The following PDE7B variants were observed in gnomAD, a reference collection of about 807,000 sequenced individuals.
PDE7B encodes the protein 3',5'-cyclic-AMP phosphodiesterase 7B.
In PDE7B, 29 loss-of-function variants were observed where a neutral mutation model predicts 56.2. The ratio of observed to expected loss-of-function variants is 0.52; its 90% CI spans 0.38 to 0.70. The LOEUF is 0.70. Among genes scored for constraint, PDE7B ranks in the 30% least tolerant of loss-of-function variants. PDE7B has a pLI of 0.00. For synonymous variants in PDE7B, 197 were observed against 196.9 expected (o/e 1.00, Z 0.00); for missense variants, 490 against 565.0 (o/e 0.87, Z 1.35).
chr6:136,074,414 ATTTC>A (rs1583866866), intron 2 of PDE7B, among the ~76,000 whole-genome samples: 1 of 152,122 alleles, frequency 6.6e-6, no homozygotes, highest in African/African-American at 2.4e-5. Flanking sequence ...TCAAGCATTT[ATTTC>A]TTTCTTTGTG....
chr6:135,882,239 A>AC (rs1466966902), intron 1 of PDE7B, among the ~76,000 whole-genome samples: 1 of 152,080 alleles, frequency 6.6e-6, no homozygotes, highest in Admixed American at 6.6e-5. Context: ...ATGTGGTGTG[A>AC]CCCCCGCTGA....
intron 11 of PDE7B, among the ~76,000 whole-genome samples, chr6:136,182,364 A>G (rs1373589439): frequency 6.6e-6 from 1 of 152,192 alleles, no homozygotes; most frequent in Non-Finnish European, 1.5e-5. Context: ...GCCCCTAAAT[A>G]AAATCTCCAA....
chr6:136,000,175 A>G (rs776373289), intron 2 of PDE7B, among the ~76,000 whole-genome samples: 4 of 152,164 alleles, frequency 2.6e-5, no homozygotes, highest in Non-Finnish European at 5.9e-5. Flanking sequence ...CATAGTTTGC[A>G]TAGTTTTCTC....
chr6:135,943,978 AG>A (rs1774550017), intron 1 of PDE7B, among the ~76,000 whole-genome samples: 1 of 152,182 alleles, frequency 6.6e-6, no homozygotes. Context: ...TATTATCTGA[AG>A]GCAGTGTTGG....
rs980603564 is a variant in PDE7B at position 135,884,118 on chromosome 6, T to C, written c.21+32099T>C. 5.3e-5 allele frequency among the ~76,000 whole-genome samples: 8 copies of C among 152,220 alleles called. No individual in the cohort carries two copies. In the East Asian group the frequency reaches 1.5e-3, roughly 29 times the overall value. ...TATAGCAGCTCATATCCCACACATC[T>C]GCAGAGTTTGCTTGCCAGTACTGTC... On this transcript the variant is annotated intron_variant, in intron 1 of 12. Transcript: ENST00000308191.
intron 2 of PDE7B, among the ~76,000 whole-genome samples, chr6:136,052,237 G>C (rs1776642689): frequency 6.6e-6 from 1 of 152,192 alleles, no homozygotes; most frequent in Non-Finnish European, 1.5e-5. Context: ...CAAAGCAGTT[G>C]AGCAAAACTG....
At chr6:136,001,908 C>T (rs934524315) in intron 2 of PDE7B, among the ~76,000 whole-genome samples, 15 of 151,810 alleles carry the variant, frequency 9.9e-5, no homozygotes, top group Non-Finnish European at 2.1e-4. Flanking sequence ...TCAGATTCAC[C>T]AAAGTTGAAA....
intron 8 of PDE7B, among the ~76,000 whole-genome samples, chr6:136,169,602 T>C (rs560018396): frequency 1.4e-3 from 219 of 152,302 alleles, no homozygotes; most frequent in African/African-American, 4.9e-3. Flanking sequence ...TACAGCTTTC[T>C]GGCCCTTGAA....
intron 10 of PDE7B, among the ~76,000 whole-genome samples, chr6:136,180,512 C>T (rs191687500): frequency 3.3e-5 from 5 of 152,284 alleles, no homozygotes; most frequent in Admixed American, 2.6e-4. Context: ...CTTCCAGACC[C>T]CAACATTGCT....
At position 135,852,023 on chromosome 6, in the gene PDE7B, T is replaced by C. The variant is rs1166572072; in HGVS notation, c.21+4T>C. ...AATGTCTTGTTTAATGGTTGAGGTA[T>C]GTACAACAAATTTAAGCGGCAAGCT... On this transcript the variant is annotated splice_donor_region_variant and intron_variant, in intron 1 of 12. Transcript: ENST00000308191. 1.9e-6 allele frequency: 3 copies of C among 1,604,288 alleles called. No homozygotes were observed. The highest frequency in any genetic ancestry group is 2.6e-6 in the Non-Finnish European group (3 of 1,171,118).
rs539038603 is a variant in PDE7B at position 136,171,641 on chromosome 6, T to A, written c.712-2156T>A. The stretch of plus-strand genomic sequence containing the variant: ...ACCTATTTCACTGCTTCACTTTTTT[T>A]TTATTATTATTATACTTTAAGTTTT... On this transcript the variant is annotated intron_variant, in intron 8 of 12. Transcript: ENST00000308191. Among the ~76,000 whole-genome samples, 22 of 152,126 alleles carry A rather than the reference T, an allele frequency of 1.4e-4. No individual in the cohort carries two copies. In the South Asian group the frequency reaches 2.5e-3, roughly 17 times the overall value.
At chr6:135,903,553 T>C (rs1776043352) in intron 1 of PDE7B, among the ~76,000 whole-genome samples, 1 of 152,188 alleles carries the variant, frequency 6.6e-6, no homozygotes, top group African/African-American at 2.4e-5. Context: ...TTTCTACATT[T>C]CAGAGCTTCT....
chr6:136,164,996 T>G (rs545638517), intron 8 of PDE7B, among the ~76,000 whole-genome samples: 4 of 152,322 alleles, frequency 2.6e-5, no homozygotes, highest in Non-Finnish European at 4.4e-5. Flanking sequence ...GGACATTACA[T>G]CTTTTGTAAC....
chr6:135,972,233 CAAAAAAAAAAA>C (rs72005772), intron 2 of PDE7B, among the ~76,000 whole-genome samples: 4 of 65,170 alleles, frequency 6.1e-5, no homozygotes, highest in Non-Finnish European at 8.0e-5. Context: ...AAACTGTTCT[CAAAAAAAAAAA>C]AAAAAAAAAA....
chr6:136,125,766 C>A lies in PDE7B; in HGVS notation c.166+16952C>A, dbSNP rs559057498. Among the ~76,000 whole-genome samples, 447 of 152,162 alleles carry A rather than the reference C, an allele frequency of 2.9e-3. 3 individuals carry two copies. Among genetic ancestry groups the A allele is most frequent in the African/African-American group, 0.01 (428 of 41,510 alleles). On this transcript the variant is annotated intron_variant, in intron 3 of 12. Transcript: ENST00000308191. The stretch of plus-strand genomic sequence containing the variant: ...GGAGCAGTGAGACTCAGAGCAAATA[C>A]TCCATTCTTCTTGTAAAGGTGTTCC...
At chr6:136,024,898 G>T (rs906757713) in intron 2 of PDE7B, among the ~76,000 whole-genome samples, 1 of 152,126 alleles carries the variant, frequency 6.6e-6, no homozygotes, top group African/African-American at 2.4e-5. Flanking sequence ...GCAACAACTG[G>T]GTAAATTTCT....
In PDE7B at chr6:136,192,003, G is replaced by C. The variant is rs770101993; in HGVS notation, c.*163G>C. 8.1e-6 allele frequency: 5 copies of C among 618,396 alleles called. No homozygotes were observed. In the African/African-American group the frequency reaches 9.2e-5, roughly 11 times the overall value. The allele number at this position is 618,396 out of a possible 1,614,324, so 38.3% of individuals were successfully genotyped here. ...CACTTACCTGCCTCCCCTCCTTTTC[G>C]CAAATGTACAGAAGCCATTTGTCAC... On this transcript the variant is annotated 3_prime_UTR_variant, in exon 13 of 13. Coordinates refer to ENST00000308191, the MANE Select transcript of PDE7B (RefSeq NM_018945.4).
intron 1 of PDE7B, among the ~76,000 whole-genome samples, chr6:135,934,728 TCA>T (rs1774359511): frequency 1.4e-5 from 1 of 72,474 alleles, no homozygotes; most frequent in Non-Finnish European, 2.8e-5. Context: ...AAACTCTGTC[TCA>T]AAAAAAAAAA....
intron 2 of PDE7B, among the ~76,000 whole-genome samples, chr6:135,965,448 T>C (rs1231544679): frequency 6.6e-6 from 1 of 152,196 alleles, no homozygotes; most frequent in Non-Finnish European, 1.5e-5. Flanking sequence ...TATGTTAATC[T>C]GTTCTCAAGC....
Sources: allele counts gnomAD v4.1 joint callset (sites outside exome capture counted in the v4.1 genomes callset), GRCh38; gene constraint gnomAD v4.1.1; transcripts MANE v1.5; gene names NCBI Gene and HGNC (gene_info 2026-07-23, HGNC 2026-07-21).